The following BEST2 variants were observed in gnomAD, a reference collection of about 807,000 sequenced individuals.
The protein encoded by BEST2 is bestrophin 2.
BEST2 carries 36 observed loss-of-function variants against 49.0 expected under a neutral mutation model. That is an observed-to-expected ratio of 0.73 (90% CI 0.56 to 0.97). The LOEUF (loss-of-function observed/expected upper bound fraction) is 0.97. BEST2 is among the 50% of genes least tolerant of loss of function. The pLI, the probability that BEST2 is intolerant of heterozygous loss-of-function variation, is 0.00. For missense variants in BEST2, 672 were observed against 710.0 expected, an observed-to-expected ratio of 0.95 and a Z score of 0.61; for synonymous variants, 335 against 304.4, an observed-to-expected ratio of 1.10 and a Z score of -1.05.
intron 9 of BEST2, chr19:12,756,635 C>T: frequency 3.5e-6 from 1 of 288,358 alleles, no homozygotes; most frequent in Admixed American, 4.7e-5. Flanking sequence ...TTTGAGCAAG[C>T]CCAGGAGTTC....
chr19:12,757,936 G>A lies in BEST2; in HGVS notation c.1389G>A (p.Pro463=). 1.9e-6 allele frequency: 3 copies of A among 1,580,444 alleles called. No individual in the cohort carries two copies. Among genetic ancestry groups the A allele is most frequent in the Non-Finnish European group, 2.6e-6 (3 of 1,165,590 alleles). Residue 463 remains proline, a synonymous_variant, in exon 10 of 10, where the codon CCG becomes CCA. Coordinates refer to ENST00000553030, the MANE Select transcript of BEST2 (RefSeq NM_017682.3). ...CCGGCCTGCCGGAGCCCGAGGCCCCGCCCCCTGCGGGTCCCGAACCGCTTA... is the reference window on the plus strand; with the variant it reads ...CCGGCCTGCCGGAGCCCGAGGCCCCACCCCCTGCGGGTCCCGAACCGCTTA... ...LDPGLPEPEA[P]PPAGPEPLTL...
chr19:12,753,843 G>A (rs1047517351), intron 3 of BEST2, among the ~76,000 whole-genome samples: 1 of 152,156 alleles, frequency 6.6e-6, no homozygotes, highest in Admixed American at 6.5e-5. Context: ...TCAGGGGCCG[G>A]GTGTGGCTAC....
In BEST2 at chr19:12,757,696, T is replaced by A. The variant is rs963175145; in HGVS notation, c.1149T>A (p.Asp383Glu). Reference protein sequence around the residue: ...DMQFQRLDGLDGPMGEAPGDF... With the variant: ...DMQFQRLDGLEGPMGEAPGDF... ...AGTTCCAGCGGCTGGACGGCTTGGATGGACCGATGGGAGAGGCGCCCGGCG... is the reference window on the plus strand; with the variant it reads ...AGTTCCAGCGGCTGGACGGCTTGGAAGGACCGATGGGAGAGGCGCCCGGCG... Residue 383 changes from aspartate to glutamate, a missense_variant, in exon 10 of 10, where the codon GAT (aspartate) becomes GAA (glutamate). Physicochemically the swap from Asp to Glu is conservative, Grantham distance 45. Coordinates refer to ENST00000553030, the MANE Select transcript of BEST2 (RefSeq NM_017682.3). 5 of 1,546,342 alleles carry A rather than the reference T, an allele frequency of 3.2e-6. No individual in the cohort carries two copies. Among genetic ancestry groups the A allele is most frequent in the Non-Finnish European group, 4.4e-6 (5 of 1,149,324 alleles).
At position 12,755,374 on chromosome 19, in the gene BEST2, C is replaced by T. The variant is rs765780187; in HGVS notation, c.637-5C>T. On this transcript the variant is annotated splice_region_variant and splice_polypyrimidine_tract_variant and intron_variant, in intron 5 of 9. Coordinates refer to ENST00000553030, the MANE Select transcript of BEST2 (RefSeq NM_017682.3). This position sits in a 1 kb window ranked among gnomAD's most constrained non-coding sequence, Gnocchi z 4.4. ...GGCCTCCTCATGACCTGTATCCACC[C>T]CCAGGAGCTGAATGTTTTTCGGGGC... is the stretch of plus-strand genomic sequence containing the variant. 3 of 1,614,050 alleles carry T rather than the reference C, an allele frequency of 1.9e-6. No individual in the cohort carries two copies. Among genetic ancestry groups the T allele is most frequent in the Non-Finnish European group, 1.7e-6 (2 of 1,179,950 alleles).
chr19:12,753,366 C>G lies in BEST2; in HGVS notation c.247+12C>G. ...CTCCTTCGTGCTTGGTGCGGTCCAA[C>G]CCCAAGTCCCCCGTTCCCATGTCCC... On this transcript the variant is annotated intron_variant, in intron 3 of 9. Transcript: ENST00000553030. 3 of 1,611,834 alleles carry G rather than the reference C, an allele frequency of 1.9e-6. No homozygotes were observed. The highest frequency in any genetic ancestry group is 2.5e-6 in the Non-Finnish European group (3 of 1,177,966).
chr19:12,755,773 TG>T lies in BEST2; in HGVS notation c.867+9del. ...TCTACGCCGGCTGGCTCAAGGTAGG[TG>T]GGTGATCCAGGCTGGAATTTCGTGG... is the stretch of plus-strand genomic sequence containing the variant. On this transcript the variant is annotated splice_region_variant and intron_variant, in intron 7 of 9. Transcript: ENST00000553030. This position sits in a 1 kb window ranked among gnomAD's most constrained non-coding sequence, Gnocchi z 4.4. 1 of 1,613,838 alleles carries T rather than the reference TG, an allele frequency of 6.2e-7. No individual in the cohort carries two copies. Among genetic ancestry groups the T allele is most frequent in the African/African-American group, 1.3e-5 (1 of 74,976 alleles).
intron 9 of BEST2, among the ~76,000 whole-genome samples, chr19:12,757,322 G>T (rs926631525): frequency 2.0e-5 from 3 of 152,104 alleles, no homozygotes; most frequent in African/African-American, 7.2e-5. Flanking sequence ...TGAGACAGGA[G>T]AATCGCTTGA....
In BEST2 at chr19:12,755,239, C is replaced by A; in HGVS notation, c.637-140C>A. 1 of 1,068,878 alleles carries A rather than the reference C, an allele frequency of 9.4e-7. No homozygotes were observed. Among genetic ancestry groups the A allele is most frequent in the Non-Finnish European group, 1.4e-6 (1 of 723,794 alleles). 66.2% of individuals were successfully genotyped at this position (1,068,878 alleles called of 1,614,324 possible). Reference sequence around the variant, plus strand: ...CCTCATCCAGGTGCACACTCACCACCAAATACCCTCCCTGGAACCCCCAAA... The same window carrying A: ...CCTCATCCAGGTGCACACTCACCACAAAATACCCTCCCTGGAACCCCCAAA... On this transcript the variant is annotated intron_variant, in intron 5 of 9. Coordinates refer to ENST00000553030, the MANE Select transcript of BEST2 (RefSeq NM_017682.3). The surrounding 1 kb of genome is among the most constrained non-coding windows in gnomAD (Gnocchi z 4.4).
rs1195250807 is a variant in BEST2 at position 12,755,477 on chromosome 19, T to C, written c.714+21T>C. 1.2e-6 allele frequency: 2 copies of C among 1,613,482 alleles called. No individual in the cohort carries two copies. Among genetic ancestry groups the C allele is most frequent in the Non-Finnish European group, 1.7e-6 (2 of 1,179,550 alleles). On this transcript the variant is annotated intron_variant, in intron 6 of 9. Coordinates refer to ENST00000553030, the MANE Select transcript of BEST2 (RefSeq NM_017682.3). This position sits in a 1 kb window ranked among gnomAD's most constrained non-coding sequence, Gnocchi z 4.4. Reference sequence around the variant, plus strand: ...CGCAGGTAACCCCATCATGCCTCTTTTTATATTCGGTGTCAGTGGCCCTGA... The same window carrying C: ...CGCAGGTAACCCCATCATGCCTCTTCTTATATTCGGTGTCAGTGGCCCTGA...
Position 12,757,875 on chromosome 19 carries a change from C to G in BEST2, c.1328C>G (p.Ala443Gly). 1 of 1,549,546 alleles carries G rather than the reference C, an allele frequency of 6.5e-7. No individual in the cohort carries two copies. Among genetic ancestry groups the G allele is most frequent in the Non-Finnish European group, 8.7e-7 (1 of 1,147,398 alleles). ...CSCAVVPEGA[A>G]PECSCGDPLL... ...TGCGCGGTTGTCCCCGAAGGCGCGG[C>G]CCCGGAGTGCAGCTGCGGGGACCCG... The change falls in exon 10 of 10, where the codon GCC becomes GGC. Residue 443 changes from alanine to glycine, a missense_variant. This residue lies in a region of BEST2 where 291 missense variants were observed against 279.8 expected (regional missense o/e 1.04). Coordinates refer to ENST00000553030, the MANE Select transcript of BEST2 (RefSeq NM_017682.3).
At position 12,755,692 on chromosome 19, in the gene BEST2, C is replaced by T. The variant is rs1442056452; in HGVS notation, c.792C>T (p.Tyr264=). The change falls in exon 7 of 10, where the codon TAC becomes TAT. Residue 264 remains tyrosine (Y), a synonymous_variant. Transcript: ENST00000553030. This position sits in a 1 kb window ranked among gnomAD's most constrained non-coding sequence, Gnocchi z 4.4. ...AGTTCCTGGACCCGGCTCAGGGTTACAAAGACCACGACCTAGACCTGTGTG... is the reference window on the plus strand; with the variant it reads ...AGTTCCTGGACCCGGCTCAGGGTTATAAAGACCACGACCTAGACCTGTGTG... The part of the protein sequence containing the change: ...GRQFLDPAQG[Y]KDHDLDLCVP... The T allele has an allele frequency of 6.2e-7, 1 of 1,613,996 alleles. No homozygotes were observed. The highest frequency in any genetic ancestry group is 8.5e-7 in the Non-Finnish European group (1 of 1,180,042).
chr19:12,755,143 C>T lies in BEST2; in HGVS notation c.636+112C>T, dbSNP rs1416668567. 7.6e-7 allele frequency: 1 copy of T among 1,317,454 alleles called. No individual in the cohort carries two copies. The highest frequency in any genetic ancestry group is 1.0e-6 in the Non-Finnish European group (1 of 975,750). 81.6% of individuals were successfully genotyped at this position (1,317,454 alleles called of 1,614,324 possible). On this transcript the variant is annotated intron_variant, in intron 5 of 9. Coordinates refer to ENST00000553030, the MANE Select transcript of BEST2 (RefSeq NM_017682.3). The surrounding 1 kb of genome is among the most constrained non-coding windows in gnomAD (Gnocchi z 4.4). ...CCACGAGGCCGATTTCAAACACCCTCACCAGGTGCACTCTTACCTCCATGG... is the reference window on the plus strand; with the variant it reads ...CCACGAGGCCGATTTCAAACACCCTTACCAGGTGCACTCTTACCTCCATGG...
Position 12,758,291 on chromosome 19 carries a change from C to A in BEST2, c.*214C>A. On this transcript the variant is annotated 3_prime_UTR_variant, in exon 10 of 10. Transcript: ENST00000553030. ...CGCCCTGACCACCAGCTCTACTTCC[C>A]AACCCCCACTGCCTGAGAGGTCTCT... The A allele has an allele frequency of 1.7e-6, 1 of 595,292 alleles. No individual in the cohort carries two copies. The highest frequency in any genetic ancestry group is 2.9e-6 in the Non-Finnish European group (1 of 344,872). 36.9% of individuals were successfully genotyped at this position (595,292 alleles called of 1,614,324 possible).
Position 12,754,548 on chromosome 19 carries a change from G to A in BEST2, c.248-4G>A. The A allele has an allele frequency of 2.0e-6, 3 of 1,499,614 alleles. No homozygotes were observed. The highest frequency in any genetic ancestry group is 1.8e-6 in the Non-Finnish European group (2 of 1,115,816). 92.9% of individuals were successfully genotyped at this position (1,499,614 alleles called of 1,614,324 possible). ...CTGAGCCCCCATTCCCCGCTCCCCTGCAGGCTTTTATGTGACGCTGGTGGT... is the reference window on the plus strand; with the variant it reads ...CTGAGCCCCCATTCCCCGCTCCCCTACAGGCTTTTATGTGACGCTGGTGGT... On this transcript the variant is annotated splice_region_variant and splice_polypyrimidine_tract_variant and intron_variant, in intron 3 of 9. Coordinates refer to ENST00000553030, the MANE Select transcript of BEST2 (RefSeq NM_017682.3).
rs371302296 is a variant in BEST2, at chr19:12,754,708, C to T, written c.404C>T (p.Ser135Leu). Reference sequence around the variant, plus strand: ...ACACTCATGCGCTACGCAGGGCTCTCGGCCGTGCTCATCCTGCGCTCCGTC... The same window carrying T: ...ACACTCATGCGCTACGCAGGGCTCTTGGCCGTGCTCATCCTGCGCTCCGTC... ...RRTLMRYAGL[S>L]AVLILRSVST... Residue 135 changes from serine to leucine, a missense_variant, in exon 4 of 10, where the codon TCG (serine) becomes TTG (leucine). Coordinates refer to ENST00000553030, the MANE Select transcript of BEST2 (RefSeq NM_017682.3). The T allele has an allele frequency of 1.2e-5, 19 of 1,589,350 alleles. No individual in the cohort carries two copies. The highest frequency in any genetic ancestry group is 1.5e-5 in the Non-Finnish European group (18 of 1,167,884).
intron 3 of BEST2, 102 bp downstream of exon 3, chr19:12,753,456 C>A: frequency 3.6e-6 from 4 of 1,126,642 alleles, no homozygotes; most frequent in South Asian, 2.5e-5. Flanking sequence ...GAGATCCCCC[C>A]CCTCAAATCC....
In BEST2 at chr19:12,755,588, C is replaced by A; in HGVS notation, c.715-27C>A. The A allele has an allele frequency of 6.2e-7, 1 of 1,610,454 alleles. No homozygotes were observed. Among genetic ancestry groups the A allele is most frequent in the Non-Finnish European group, 8.5e-7 (1 of 1,177,614 alleles). ...TCCTAGCCTTGGACCCCAATGACCC[C>A]CCTGAGCCCTGCCCCGCCCTGCCCA... On this transcript the variant is annotated intron_variant, in intron 6 of 9. Transcript: ENST00000553030. This position sits in a 1 kb window ranked among gnomAD's most constrained non-coding sequence, Gnocchi z 4.4.
rs371008787 is a variant in BEST2 at position 12,753,322 on chromosome 19, A to G, written c.215A>G (p.Tyr72Cys). Reference protein sequence around the residue: ...FEKLVIYCDQYASLIPVSFVL... With the variant: ...FEKLVIYCDQCASLIPVSFVL... ...AAGCTTGTGATTTATTGTGACCAGT[A>G]TGCCAGCCTCATCCCTGTCTCCTTC... The change falls in exon 3 of 10, where the codon TAT (tyrosine) becomes TGT (cysteine). Residue 72 changes from tyrosine (Y) to cysteine (C), a missense_variant. Physicochemically the swap from Tyr to Cys is radical, Grantham distance 194 (BLOSUM62 -2). Coordinates refer to ENST00000553030, the MANE Select transcript of BEST2 (RefSeq NM_017682.3). 4 of 1,613,990 alleles carry G rather than the reference A, an allele frequency of 2.5e-6. No individual in the cohort carries two copies. Among genetic ancestry groups the G allele is most frequent in the Non-Finnish European group, 3.4e-6 (4 of 1,179,990 alleles).
Position 12,757,789 on chromosome 19 carries a change from G to A in BEST2, c.1242G>A (p.Leu414=), listed in dbSNP as rs989103876. ...CGGGAGGCCCGCTGGGCCGGCGCCT[G>A]TCCTTTCTACTCCGCAAGAACAGCT... ...MVAGGPLGRR[L]SFLLRKNSCV... Residue 414 remains leucine, a synonymous_variant, in exon 10 of 10, where the codon CTG becomes CTA. Coordinates refer to ENST00000553030, the MANE Select transcript of BEST2 (RefSeq NM_017682.3). 1 of 1,547,530 alleles carries A rather than the reference G, an allele frequency of 6.5e-7. No individual in the cohort carries two copies. The highest frequency in any genetic ancestry group is 2.4e-5 in the East Asian group (1 of 40,880).
Sources: allele counts gnomAD v4.1 joint callset (sites outside exome capture counted in the v4.1 genomes callset), GRCh38; gene constraint gnomAD v4.1.1; regional missense constraint gnomAD v4.1.1; non-coding constraint Gnocchi (gnomAD v3.1); transcripts MANE v1.5; gene names NCBI Gene and HGNC (gene_info 2026-07-23, HGNC 2026-07-21).